SLC4A4: variants seen among roughly 807,000 people sequenced by gnomAD.
SLC4A4 encodes the protein electrogenic sodium bicarbonate cotransporter 1.
In SLC4A4, 27 loss-of-function variants were observed where a neutral mutation model predicts 111.5. That is an observed-to-expected ratio of 0.24 (90% CI 0.18 to 0.33). The LOEUF (loss-of-function observed/expected upper bound fraction) is 0.33, where lower values mean the gene tolerates loss of function less well. Ranked by LOEUF, SLC4A4 falls within the 10% of genes least tolerant of loss-of-function variation. The pLI is 1.00. For missense variants in SLC4A4, 909 were observed against 1,315.5 expected, an observed-to-expected ratio of 0.69 and a Z score of 4.78; for synonymous variants, 443 against 463.4, an observed-to-expected ratio of 0.96 and a Z score of 0.57.
intron 1 of SLC4A4, among the ~76,000 whole-genome samples, chr4:71,211,332 T>C (rs1326728595): frequency 6.6e-6 from 1 of 152,202 alleles, no homozygotes; most frequent in Non-Finnish European, 1.5e-5. Context: ...AGGTCTGTCA[T>C]CACCATACTT....
intron 1 of SLC4A4, among the ~76,000 whole-genome samples, chr4:71,090,500 CA>C (rs1200920022): frequency 6.6e-6 from 1 of 152,116 alleles, no homozygotes; most frequent in Non-Finnish European, 1.5e-5. Context: ...TGCTGGGTAA[CA>C]GTTTTTATTA....
chr4:71,256,736 A>G (rs1019348000), intron 3 of SLC4A4, among the ~76,000 whole-genome samples: 1 of 152,190 alleles, frequency 6.6e-6, no homozygotes, highest in Non-Finnish European at 1.5e-5. Flanking sequence ...GGCACAGTTA[A>G]TAGTCTGGAG....
At chr4:71,400,229 A>T (rs1720231957) in intron 7 of SLC4A4, among the ~76,000 whole-genome samples, 1 of 152,190 alleles carries the variant, frequency 6.6e-6, no homozygotes, top group Non-Finnish European at 1.5e-5. Flanking sequence ...TTACTAACTT[A>T]TTGGGTCTTT....
Position 71,531,004 on chromosome 4 carries a change from T to C in SLC4A4, c.2167-1058T>C, listed in dbSNP as rs529657468. Among the ~76,000 whole-genome samples the C allele has an allele frequency of 4.8e-4, 73 of 152,260 alleles. 1 individual carries two copies. Among genetic ancestry groups the C allele is most frequent in the South Asian group, 4.1e-4 (2 of 4,830 alleles). On this transcript the variant is annotated intron_variant, in intron 16 of 25. Coordinates refer to ENST00000264485, the MANE Select transcript of SLC4A4 (RefSeq NM_001098484.3). The stretch of plus-strand genomic sequence containing the variant: ...CTTGGCTATGAGCTTCATGAGGACA[T>C]GAATTGTATCGGTTTTATTTACTGT...
At chr4:71,145,196 T>C (rs1330747614) in intron 2 of SLC4A4, among the ~76,000 whole-genome samples, 1 of 152,224 alleles carries the variant, frequency 6.6e-6, no homozygotes, top group Non-Finnish European at 1.5e-5. Context: ...TCTGCATCTA[T>C]TGAGATAATC....
intron 14 of SLC4A4, among the ~76,000 whole-genome samples, chr4:71,473,711 A>C (rs548453603): frequency 2.0e-5 from 3 of 152,000 alleles, no homozygotes; most frequent in African/African-American, 7.2e-5. Flanking sequence ...AAAAAAATAA[A>C]AATAAAAAAA....
intron 7 of SLC4A4, among the ~76,000 whole-genome samples, chr4:71,400,167 C>T (rs907512504): frequency 6.6e-5 from 10 of 152,134 alleles, no homozygotes; most frequent in Middle Eastern, 3.2e-3. Flanking sequence ...GGGCAGCTCT[C>T]CTTTTGCCAG....
At chr4:71,400,300 T>A (rs773873613) in intron 7 of SLC4A4, among the ~76,000 whole-genome samples, 12 of 152,220 alleles carry the variant, frequency 7.9e-5, no homozygotes, top group Non-Finnish European at 1.8e-4. Context: ...CATAAAATTT[T>A]GATTCCAGTA....
intron 7 of SLC4A4, among the ~76,000 whole-genome samples, chr4:71,406,404 A>C (rs1720858702): frequency 6.6e-6 from 1 of 151,978 alleles, no homozygotes; most frequent in African/African-American, 2.4e-5. Flanking sequence ...TCTGCAGAGT[A>C]AGTTTATGAA....
chr4:71,420,211 C>A (rs530729058), intron 7 of SLC4A4, among the ~76,000 whole-genome samples: 1 of 152,190 alleles, frequency 6.6e-6, no homozygotes, highest in South Asian at 2.1e-4. Flanking sequence ...GGAGCCAATG[C>A]AATCAACTGG....
intron 24 of SLC4A4, 73 bp from the exon 25 acceptor site, chr4:71,566,931 T>C (rs933176384): frequency 1.6e-6 from 2 of 1,237,690 alleles, no homozygotes; most frequent in African/African-American, 1.5e-5. Flanking sequence ...GATGCATCAA[T>C]TTTGTGAAGA....
chr4:71,261,545 T>C (rs1273091941), intron 3 of SLC4A4, among the ~76,000 whole-genome samples: 1 of 152,214 alleles, frequency 6.6e-6, no homozygotes, highest in African/African-American at 2.4e-5. Context: ...TTGTGTTTTG[T>C]GTGGTACAAA....
At chr4:71,064,697 G>C (rs1741470803) in intron 1 of SLC4A4, among the ~76,000 whole-genome samples, 1 of 152,158 alleles carries the variant, frequency 6.6e-6, no homozygotes, top group African/African-American at 2.4e-5. Context: ...ACAATTTCAG[G>C]ACTGGTCACG....
chr4:71,372,919 A>G (rs1732017866), intron 6 of SLC4A4, among the ~76,000 whole-genome samples: 1 of 151,920 alleles, frequency 6.6e-6, no homozygotes, highest in South Asian at 2.1e-4. Context: ...ATCAGGCTAC[A>G]CAGTTAACAT....
intron 2 of SLC4A4, among the ~76,000 whole-genome samples, chr4:71,148,255 A>G (rs1045852056): frequency 3.3e-5 from 5 of 152,152 alleles, no homozygotes; most frequent in African/African-American, 1.2e-4. Flanking sequence ...GCTCTTCTTC[A>G]TATTGAGTCA....
At chr4:71,435,047 C>T (rs1723995557) in intron 7 of SLC4A4, among the ~76,000 whole-genome samples, 1 of 152,164 alleles carries the variant, frequency 6.6e-6, no homozygotes, top group Non-Finnish European at 1.5e-5. Context: ...CACTGAATTT[C>T]TTCACAGAAT....
intron 12 of SLC4A4, among the ~76,000 whole-genome samples, chr4:71,456,127 G>T (rs1726243425): frequency 6.6e-6 from 1 of 152,196 alleles, no homozygotes; most frequent in Non-Finnish European, 1.5e-5. Context: ...TTTTCCAGAT[G>T]TAATTTGATT....
Position 71,202,367 on chromosome 4 carries a change from T to C in SLC4A4, c.-2+14966T>C, listed in dbSNP as rs148209148. 5.2e-4 allele frequency among the ~76,000 whole-genome samples: 79 copies of C among 152,320 alleles called. 1 individual carries two copies. The highest frequency in any genetic ancestry group is 5.5e-4 in the African/African-American group (23 of 41,578). ...AGTTTTTATCTCCTTCATATTCAAA[T>C]GGGTGGAAAACATTTTATCTGAAAT... On this transcript the variant is annotated intron_variant, in intron 1 of 25. Transcript: ENST00000264485.
In SLC4A4 at chr4:71,213,304, A is replaced by G. The variant is rs151230927; in HGVS notation, c.-1-23272A>G. Among the ~76,000 whole-genome samples the G allele has an allele frequency of 6.8e-4, 103 of 152,326 alleles. 1 individual carries two copies. Among genetic ancestry groups the G allele is most frequent in the African/African-American group, 1.1e-3 (46 of 41,578 alleles). On this transcript the variant is annotated intron_variant, in intron 1 of 25. Coordinates refer to ENST00000264485, the MANE Select transcript of SLC4A4 (RefSeq NM_001098484.3). Reference sequence around the variant, plus strand: ...ATTACTAGAAATAATGCTGGATTTTACCTCATAAAGTATTGGCTCATGAGT... The same window carrying G: ...ATTACTAGAAATAATGCTGGATTTTGCCTCATAAAGTATTGGCTCATGAGT...
Sources: allele counts gnomAD v4.1 joint callset (sites outside exome capture counted in the v4.1 genomes callset), GRCh38; gene constraint gnomAD v4.1.1; transcripts MANE v1.5; gene names NCBI Gene and HGNC (gene_info 2026-07-23, HGNC 2026-07-21).